DOK6: variants seen among roughly 807,000 people sequenced by gnomAD.
DOK6 encodes downstream of tyrosine kinase 6.
A neutral mutation model predicts 44.0 loss-of-function variants in DOK6; 22 were observed. That is an observed-to-expected ratio of 0.50 (90% CI 0.36 to 0.71). The LOEUF is 0.71. Ranked by LOEUF, DOK6 falls within the 30% of genes least tolerant of loss-of-function variation. The pLI, the probability that DOK6 is intolerant of heterozygous loss-of-function variation, is 0.00. For synonymous variants in DOK6, 166 were observed against 145.5 expected (o/e 1.14, Z -1.01); for missense variants, 340 against 416.4 (o/e 0.82, Z 1.60).
chr18:69,449,452 A>C lies in DOK6; in HGVS notation c.66+48142A>C, dbSNP rs149700848. 6.0e-4 allele frequency among the ~76,000 whole-genome samples: 91 copies of C among 152,348 alleles called. 1 individual carries two copies. The highest frequency in any genetic ancestry group is 2.1e-3 in the African/African-American group (88 of 41,582). ...CATATCTTAATAGCATATGTTATCG[A>C]AATACCTTAGCATTTGAAATAAGGA... On this transcript the variant is annotated intron_variant, in intron 1 of 7. Transcript: ENST00000382713.
chr18:69,835,525 A>G (rs1982028678), intron 7 of DOK6, among the ~76,000 whole-genome samples: 1 of 151,992 alleles, frequency 6.6e-6, no homozygotes. Flanking sequence ...CATTGCAGTA[A>G]GAGCCTGTGA....
chr18:69,700,753 C>T (rs1053372904), intron 5 of DOK6, among the ~76,000 whole-genome samples: 3 of 152,154 alleles, frequency 2.0e-5, no homozygotes, highest in African/African-American at 7.2e-5. Context: ...CTTGTCCATA[C>T]TTGATCTAGA....
intron 3 of DOK6, chr18:69,661,568 T>C (rs1985528119): frequency 6.6e-6 from 1 of 152,228 alleles, no homozygotes; most frequent in South Asian, 2.1e-4. Context: ...TCCTTCCTAT[T>C]ATACTCTGTA....
intron 3 of DOK6, among the ~76,000 whole-genome samples, chr18:69,627,893 C>T (rs1261414876): frequency 6.6e-6 from 1 of 152,104 alleles, no homozygotes; most frequent in African/African-American, 2.4e-5. Context: ...CACTCTTTTT[C>T]AATATCATTA....
At chr18:69,662,901 G>C (rs1386375690) in intron 3 of DOK6, 3 of 152,180 alleles carry the variant, frequency 2.0e-5, no homozygotes, top group African/African-American at 7.2e-5. Flanking sequence ...CAGCCTTCAA[G>C]GTGACATGTA....
At chr18:69,644,095 G>A (rs73461927) in intron 3 of DOK6, among the ~76,000 whole-genome samples, 2,616 of 152,138 alleles carry the variant, frequency 0.017, 72 homozygotes, top group African/African-American at 0.06. Context: ...TTTCTAGGTG[G>A]ATATTGGTTT....
chr18:69,461,011 C>T (rs1408296355), intron 1 of DOK6, among the ~76,000 whole-genome samples: 3 of 152,122 alleles, frequency 2.0e-5, no homozygotes, highest in East Asian at 1.9e-4. Flanking sequence ...TTACATTTCC[C>T]GAAGTGCCTT....
At chr18:69,427,314 G>T (rs1253738705) in intron 1 of DOK6, among the ~76,000 whole-genome samples, 2 of 152,040 alleles carry the variant, frequency 1.3e-5, no homozygotes, top group African/African-American at 2.4e-5. Context: ...CGTGGGCAAA[G>T]GACAGGAACA....
chr18:69,591,334 A>C (rs1173357933), intron 2 of DOK6, among the ~76,000 whole-genome samples: 2 of 152,128 alleles, frequency 1.3e-5, no homozygotes, highest in African/African-American at 4.8e-5. Flanking sequence ...TCACAAGCCT[A>C]ACAGTTACTT....
chr18:69,703,972 C>T (rs967128571), intron 5 of DOK6, among the ~76,000 whole-genome samples: 1 of 152,148 alleles, frequency 6.6e-6, no homozygotes, highest in Admixed American at 6.5e-5. Flanking sequence ...CTCTGCCATG[C>T]GGAGGAAAGA....
At chr18:69,671,827 C>G (rs1373506305) in intron 3 of DOK6, among the ~76,000 whole-genome samples, 2 of 152,106 alleles carry the variant, frequency 1.3e-5, no homozygotes, top group East Asian at 3.9e-4. Flanking sequence ...CCTAATTGTT[C>G]CATATTTATG....
Position 69,548,287 on chromosome 18 carries a change from G to A in DOK6, c.67-16200G>A, listed in dbSNP as rs1982465836. 1.3e-5 allele frequency among the ~76,000 whole-genome samples: 2 copies of A among 151,394 alleles called. 1 individual carries two copies. The highest frequency in any genetic ancestry group is 1.3e-4 in the Admixed American group (2 of 15,156). On this transcript the variant is annotated intron_variant, in intron 1 of 7. Coordinates refer to ENST00000382713, the MANE Select transcript of DOK6 (RefSeq NM_152721.6). ...TATTTTTTTAATCCAGTTGTCCATTGACGGACACTTAGGTTGATTCTACAT... is the reference window on the plus strand; with the variant it reads ...TATTTTTTTAATCCAGTTGTCCATTAACGGACACTTAGGTTGATTCTACAT...
chr18:69,428,579 C>T (rs564555001), intron 1 of DOK6, among the ~76,000 whole-genome samples: 1 of 152,132 alleles, frequency 6.6e-6, no homozygotes, highest in Admixed American at 6.5e-5. Context: ...AGAGCTTCCT[C>T]ATGAAAAATT....
chr18:69,701,302 T>A (rs573562867), intron 5 of DOK6, among the ~76,000 whole-genome samples: 3 of 152,370 alleles, frequency 2.0e-5, no homozygotes, highest in African/African-American at 4.8e-5. Context: ...GTATTCATAG[T>A]CTCACATCAG....
At chr18:69,419,771 G>A (rs1333485780) in intron 1 of DOK6, among the ~76,000 whole-genome samples, 3 of 152,154 alleles carry the variant, frequency 2.0e-5, no homozygotes, top group Non-Finnish European at 4.4e-5. Context: ...TGATATGTGA[G>A]ACCCTTTCTG....
At chr18:69,677,692 T>C (rs773519653) in intron 3 of DOK6, 42 bp from the exon 4 acceptor site, 4 of 1,610,730 alleles carry the variant, frequency 2.5e-6, no homozygotes, top group African/African-American at 2.7e-5. Flanking sequence ...CCATCATTCC[T>C]AGGGAGCATT....
At chr18:69,636,320 T>C (rs2144650635) in intron 3 of DOK6, among the ~76,000 whole-genome samples, 1 of 152,256 alleles carries the variant, frequency 6.6e-6, no homozygotes, top group Non-Finnish European at 1.5e-5. Flanking sequence ...CCCTAACTAG[T>C]ACAGATGACA....
At chr18:69,797,168 C>T (rs1980770092) in intron 7 of DOK6, among the ~76,000 whole-genome samples, 1 of 152,094 alleles carries the variant, frequency 6.6e-6, no homozygotes, top group Non-Finnish European at 1.5e-5. Flanking sequence ...GATAGGGCTT[C>T]TCACCAACCG....
At chr18:69,580,639 T>C (rs1003845039) in intron 2 of DOK6, among the ~76,000 whole-genome samples, 1 of 152,224 alleles carries the variant, frequency 6.6e-6, no homozygotes, top group Admixed American at 6.5e-5. Context: ...ATCAGGATAA[T>C]TCACATATTC....
Sources: allele counts gnomAD v4.1 joint callset (sites outside exome capture counted in the v4.1 genomes callset), GRCh38; gene constraint gnomAD v4.1.1; transcripts MANE v1.5; gene names NCBI Gene and HGNC (gene_info 2026-07-23, HGNC 2026-07-21).